FGFR1: variants seen among roughly 807,000 people sequenced by gnomAD.
FGFR1 encodes the protein fibroblast growth factor receptor 1.
A neutral mutation model predicts 93.7 loss-of-function variants in FGFR1; 18 were observed. The observed-to-expected ratio is 0.19, with a 90% CI of 0.13 to 0.28. The LOEUF is 0.28. Ranked by LOEUF, FGFR1 falls within the 10% of genes least tolerant of loss-of-function variation. FGFR1 has a pLI of 1.00. For missense variants in FGFR1, 731 were observed against 1,080.4 expected, an observed-to-expected ratio of 0.68 and a Z score of 4.53; for synonymous variants, 448 against 429.3, an observed-to-expected ratio of 1.04 and a Z score of -0.54.
chr8:38,445,207 T>C (rs1201410807), intron 2 of FGFR1, among the ~76,000 whole-genome samples: 1 of 152,208 alleles, frequency 6.6e-6, no homozygotes, highest in East Asian at 1.9e-4. Context: ...AGCCCTCAAC[T>C]GTCCTTGAGT....
At chr8:38,458,572 C>A (rs1032154095) in intron 1 of FGFR1, among the ~76,000 whole-genome samples, 6 of 151,934 alleles carry the variant, frequency 3.9e-5, no homozygotes, top group Non-Finnish European at 7.4e-5. Flanking sequence ...TTAAAAAGAC[C>A]ACTCCATCTA....
chr8:38,416,657 G>C (rs566003544), intron 12 of FGFR1, among the ~76,000 whole-genome samples: 60 of 151,450 alleles, frequency 4.0e-4, no homozygotes, highest in African/African-American at 1.4e-3. Flanking sequence ...GGTTTCACCT[G>C]TTGGCCAGGC....
chr8:38,443,594 G>C lies in FGFR1; in HGVS notation c.92-13646C>G, dbSNP rs189018217. Among the ~76,000 whole-genome samples, 813 of 152,138 alleles carry C rather than the reference G, an allele frequency of 5.3e-3. 7 individuals are homozygous for C. Among genetic ancestry groups the C allele is most frequent in the African/African-American group, 0.018 (750 of 41,486 alleles). Reference sequence around the variant, plus strand: ...AGGCTGAGGTGGGAGGATCTCTTGAGCCCGGGAGGTCGAGGCTGCAGTGAG... The same window carrying C: ...AGGCTGAGGTGGGAGGATCTCTTGACCCCGGGAGGTCGAGGCTGCAGTGAG... On this transcript the variant is annotated intron_variant, in intron 2 of 17. Coordinates refer to ENST00000447712, the MANE Select transcript of FGFR1 (RefSeq NM_023110.3).
intron 2 of FGFR1, among the ~76,000 whole-genome samples, chr8:38,448,072 T>G (rs917502133): frequency 1.3e-5 from 2 of 152,192 alleles, no homozygotes; most frequent in Non-Finnish European, 2.9e-5. Flanking sequence ...AATGCTGATA[T>G]CAGTCACAAA....
rs17175968 is a variant in FGFR1, at chr8:38,422,231, G to A, written c.937-290C>T. On this transcript the variant is annotated intron_variant, in intron 7 of 17. Transcript: ENST00000447712. ...CCATCCGAGCATGCGGGCGGTGAGCGGCATGGAGAAATGGGGCCGGCGGGC... is the reference window on the plus strand; with the variant it reads ...CCATCCGAGCATGCGGGCGGTGAGCAGCATGGAGAAATGGGGCCGGCGGGC... The A allele has an allele frequency of 1.7e-3, 824 of 488,590 alleles. 14 individuals are homozygous for A. The highest frequency in any genetic ancestry group is 0.016 in the South Asian group (783 of 48,078). 30.3% of individuals were successfully genotyped at this position (488,590 alleles called of 1,614,324 possible).
chr8:38,457,318 G>A (rs2151338704), intron 2 of FGFR1, 38 bp downstream of exon 2: 3 of 1,606,126 alleles, frequency 1.9e-6, no homozygotes, highest in Non-Finnish European at 2.5e-6. Flanking sequence ...CTGTTCCCAA[G>A]GCCCAGGAGT....
At position 38,424,768 on chromosome 8, in the gene FGFR1, C is replaced by G; in HGVS notation, c.746-69G>C. ...CATGGCTAAAGAGGGGTGGGCTCAC[C>G]TGCGCCCCACTTGGCTTTCCCAGTG... is the stretch of plus-strand genomic sequence containing the variant. On this transcript the variant is annotated intron_variant, in intron 6 of 17. Transcript: ENST00000447712. The surrounding 1 kb of genome is among the most constrained non-coding windows in gnomAD (Gnocchi z 4.3). The G allele has an allele frequency of 6.5e-7, 1 of 1,528,324 alleles. No homozygotes were observed. The highest frequency in any genetic ancestry group is 1.2e-5 in the South Asian group (1 of 82,650). 94.7% of individuals were successfully genotyped at this position (1,528,324 alleles called of 1,614,324 possible). A position where few individuals can be genotyped will look rare whatever the true frequency, so the allele number is the denominator to read the frequency against.
At position 38,426,829 on chromosome 8, in the gene FGFR1, C is replaced by A. The variant is rs140615588; in HGVS notation, c.622-584G>T. Reference sequence around the variant, plus strand: ...CATGGTGAATTAATTTAAAATATTTCTGGCTGGGTGCGGTGGCTCAAGCCT... The same window carrying A: ...CATGGTGAATTAATTTAAAATATTTATGGCTGGGTGCGGTGGCTCAAGCCT... On this transcript the variant is annotated intron_variant, in intron 5 of 17. Transcript: ENST00000447712. This position sits in a 1 kb window ranked among gnomAD's most constrained non-coding sequence, Gnocchi z 4.1. 3.9e-4 allele frequency among the ~76,000 whole-genome samples: 60 copies of A among 152,296 alleles called. No homozygotes were observed. Among genetic ancestry groups the A allele is most frequent in the African/African-American group, 1.4e-3 (58 of 41,572 alleles).
At chr8:38,434,328 GC>G (rs909489098) in intron 2 of FGFR1, 3 of 132,042 alleles carry the variant, frequency 2.3e-5, no homozygotes, top group African/African-American at 8.4e-5. Flanking sequence ...TATTGCTGCT[GC>G]TTTTTTTTTT....
intron 10 of FGFR1, 118 bp from the exon 11 acceptor site, chr8:38,418,109 G>A: frequency 1.2e-6 from 2 of 1,603,448 alleles, no homozygotes; most frequent in South Asian, 1.1e-5. Context: ...TGGAATGAAT[G>A]TTTCTGCAGG....
Position 38,428,083 on chromosome 8 carries a change from T to G in FGFR1, c.459A>C (p.Pro153=). 1 of 1,614,202 alleles carries G rather than the reference T, an allele frequency of 6.2e-7. No individual in the cohort carries two copies. The highest frequency in any genetic ancestry group is 8.5e-7 in the Non-Finnish European group (1 of 1,180,046). Reference sequence around the variant, plus strand: ...CCATCTTTTCTGGGGATGTCCAATATGGAGCTACGGCTGCCCGGGGAAAGC... The same window carrying G: ...CCATCTTTTCTGGGGATGTCCAATAGGGAGCTACGGCTGCCCGGGGAAAGC... ...NTKPNRMPVA[P]YWTSPEKMEK... Residue 153 remains proline (P), a synonymous_variant, in exon 5 of 18, where the codon CCA becomes CCC. Transcript: ENST00000447712.
chr8:38,429,446 T>C lies in FGFR1; in HGVS notation c.358+236A>G. 1 of 700,508 alleles carries C rather than the reference T, an allele frequency of 1.4e-6. No individual in the cohort carries two copies. The highest frequency in any genetic ancestry group is 2.6e-6 in the Non-Finnish European group (1 of 383,914). The allele number at this position is 700,508 out of a possible 1,614,324, so 43.4% of individuals were successfully genotyped here. ...CATCCCAAGAGCCCTGGCAATCACC[T>C]CCGAGGTGTGTCCTGGAAGCCCCAG... On this transcript the variant is annotated intron_variant, in intron 3 of 17. Coordinates refer to ENST00000447712, the MANE Select transcript of FGFR1 (RefSeq NM_023110.3). The surrounding 1 kb of genome is among the most constrained non-coding windows in gnomAD (Gnocchi z 4.4).
intron 2 of FGFR1, chr8:38,440,331 G>A: frequency 1.2e-6 from 2 of 1,605,108 alleles, no homozygotes; most frequent in Non-Finnish European, 1.7e-6. Flanking sequence ...CCCGGCCAGA[G>A]TGCAGAAGCA....
intron 2 of FGFR1, among the ~76,000 whole-genome samples, chr8:38,448,757 C>A (rs1830178043): frequency 6.6e-6 from 1 of 152,102 alleles, no homozygotes; most frequent in South Asian, 2.1e-4. Flanking sequence ...GAGCTCAAGA[C>A]CAGACTGGCC....
At chr8:38,414,472 C>T in intron 15 of FGFR1, 87 bp downstream of exon 15, 1 of 1,555,076 alleles carries the variant, frequency 6.4e-7, no homozygotes, top group Non-Finnish European at 8.8e-7. Context: ...AGAAAGAGGA[C>T]TCCTCAGTCC....
chr8:38,454,973 CTTTT>C (rs11434747), intron 2 of FGFR1, among the ~76,000 whole-genome samples: 1 of 111,176 alleles, frequency 9.0e-6, no homozygotes, highest in Non-Finnish European at 1.8e-5. Flanking sequence ...TCTTTTCTTG[CTTTT>C]TTTTTTTTTT....
At chr8:38,447,401 T>A (rs1829700951) in intron 2 of FGFR1, among the ~76,000 whole-genome samples, 1 of 152,236 alleles carries the variant, frequency 6.6e-6, no homozygotes, top group Non-Finnish European at 1.5e-5. Context: ...TTTACTCATC[T>A]GATTATGGTC....
At chr8:38,447,010 G>C (rs1829506300) in intron 2 of FGFR1, among the ~76,000 whole-genome samples, 1 of 151,910 alleles carries the variant, frequency 6.6e-6, no homozygotes, top group African/African-American at 2.4e-5. Context: ...TTCTAGGCTA[G>C]GGAACCTTGT....
At chr8:38,456,463 CA>C (rs1212597640) in intron 2 of FGFR1, among the ~76,000 whole-genome samples, 1 of 152,122 alleles carries the variant, frequency 6.6e-6, no homozygotes, top group East Asian at 1.9e-4. Context: ...TCAATCACTT[CA>C]AAACCCCTCA....
Sources: allele counts gnomAD v4.1 joint callset (sites outside exome capture counted in the v4.1 genomes callset), GRCh38; gene constraint gnomAD v4.1.1; non-coding constraint Gnocchi (gnomAD v3.1); transcripts MANE v1.5; gene names NCBI Gene and HGNC (gene_info 2026-07-23, HGNC 2026-07-21).